COL10A1: variants seen among roughly 807,000 people sequenced by gnomAD.
COL10A1 encodes the protein collagen alpha-1(X) chain.
COL10A1 carries 10 observed loss-of-function variants against 18.2 expected under a neutral mutation model. That is an observed-to-expected ratio of 0.55 (90% CI 0.34 to 0.93). COL10A1 has a LOEUF of 0.93. COL10A1 is among the 40% of genes least tolerant of loss of function. COL10A1 has a pLI of 0.02. For missense variants in COL10A1, 897 were observed against 853.5 expected (o/e 1.05, Z -0.64); for synonymous variants, 330 against 316.6 (o/e 1.04, Z -0.45).
At chr6:116,182,157 T>C in the COL10A1 span, among the ~76,000 whole-genome samples, 2 of 151,962 alleles carry the variant, frequency 1.3e-5, no homozygotes, top group African/African-American at 4.8e-5. Flanking sequence ...ACCTCCAATT[T>C]CATCCAGGTT....
At chr6:116,145,794 A>C (rs959387515) in intron 1 of COL10A1, among the ~76,000 whole-genome samples, 2 of 152,248 alleles carry the variant, frequency 1.3e-5, no homozygotes, top group Non-Finnish European at 2.9e-5. Flanking sequence ...TTAATTTACT[A>C]TTTTATTTTT....
intron 1 of COL10A1, among the ~76,000 whole-genome samples, chr6:116,135,857 A>ATATATG (rs1329301783): frequency 8.5e-6 from 1 of 117,602 alleles, no homozygotes; most frequent in Non-Finnish European, 1.7e-5. Flanking sequence ...ATATATATAT[A>ATATATG]TATATATATA....
At chr6:116,161,585 A>G (rs1206764846), upstream of COL10A1, among the ~76,000 whole-genome samples, 3 of 151,978 alleles carry the variant, frequency 2.0e-5, no homozygotes, top group Non-Finnish European at 4.4e-5. Flanking sequence ...CCATTGATCT[A>G]TGTGTCTATT....
chr6:116,202,715 G>A, the COL10A1 span, among the ~76,000 whole-genome samples: 3 of 151,942 alleles, frequency 2.0e-5, no homozygotes, highest in East Asian at 3.9e-4. Context: ...GAACTGCAGT[G>A]TACAGTTTCA....
At chr6:116,139,943 G>C (rs1275088903) in intron 1 of COL10A1, among the ~76,000 whole-genome samples, 2 of 152,092 alleles carry the variant, frequency 1.3e-5, no homozygotes, top group Non-Finnish European at 2.9e-5. Context: ...GATTGGACTT[G>C]TGTTTATTGA....
rs1314412393 is a variant in COL10A1 at position 116,119,024 on chromosome 6, A to C, written c.*1049T>G. ...TGCTTTCAAATTAATTCAGCCTAAA[A>C]ATCTATTGATGTTATTTTATTGCGT... On this transcript the variant is annotated 3_prime_UTR_variant, in exon 3 of 3. Coordinates refer to ENST00000651968, the MANE Select transcript of COL10A1 (RefSeq NM_000493.4). The C allele has an allele frequency of 6.6e-6, 1 of 152,656 alleles. No individual in the cohort carries two copies. The highest frequency in any genetic ancestry group is 2.4e-5 in the African/African-American group (1 of 41,460). The allele number at this position is 152,656 out of a possible 1,614,324, so 9.5% of individuals were successfully genotyped here. A position where few individuals can be genotyped will look rare whatever the true frequency, so the allele number is the denominator to read the frequency against.
At chr6:116,202,446 A>C in the COL10A1 span, among the ~76,000 whole-genome samples, 1 of 151,984 alleles carries the variant, frequency 6.6e-6, no homozygotes, top group Non-Finnish European at 1.5e-5. Flanking sequence ...ACGAGGAAAC[A>C]ATGATCCCAT....
the COL10A1 span, among the ~76,000 whole-genome samples, chr6:116,214,756 G>C: frequency 6.6e-6 from 1 of 151,972 alleles, no homozygotes. Flanking sequence ...TGTGGAAATG[G>C]GTGTTCATTG....
the COL10A1 span, among the ~76,000 whole-genome samples, chr6:116,203,544 A>C: frequency 3.3e-5 from 5 of 151,976 alleles, no homozygotes; most frequent in Non-Finnish European, 7.4e-5. Context: ...TGAATGTCAC[A>C]GTAATTCATT....
chr6:116,163,641 T>G (rs1780397642), upstream of COL10A1, among the ~76,000 whole-genome samples: 1 of 152,178 alleles, frequency 6.6e-6, no homozygotes, highest in Non-Finnish European at 1.5e-5. Flanking sequence ...TGATCTTTAT[T>G]TCTTTACTTC....
rs1779069206 is a variant in COL10A1 at position 116,120,198 on chromosome 6, C to T, written c.1918G>A (p.Ala640Thr). 6.2e-7 allele frequency: 1 copy of T among 1,614,144 alleles called. No homozygotes were observed. Among genetic ancestry groups the T allele is most frequent in the Non-Finnish European group, 8.5e-7 (1 of 1,180,028 alleles). ...TCATTTTCTGTGAGATCGATGATGG[C>T]ACTCCCTGAAGCCTGATCCAGGTAG... ...KGYLDQASGS[A>T]IIDLTENDQV... is the part of the protein sequence containing the mutation. The change falls in exon 3 of 3, where the codon GCC becomes ACC. Residue 640 changes from alanine to threonine, a missense_variant. Transcript: ENST00000651968.
chr6:116,201,664 C>G, the COL10A1 span, among the ~76,000 whole-genome samples: 1 of 151,946 alleles, frequency 6.6e-6, no homozygotes, highest in Admixed American at 6.6e-5. Flanking sequence ...CCTTCCCACC[C>G]ATGAAGTCGG....
chr6:116,144,370 G>A (rs1358224197), intron 1 of COL10A1, among the ~76,000 whole-genome samples: 3 of 152,010 alleles, frequency 2.0e-5, no homozygotes, highest in Non-Finnish European at 2.9e-5. Context: ...GCGTGATGGT[G>A]CACGCCTGTA....
At chr6:116,140,941 G>T (rs1779749115) in intron 1 of COL10A1, among the ~76,000 whole-genome samples, 1 of 152,036 alleles carries the variant, frequency 6.6e-6, no homozygotes, top group Admixed American at 6.6e-5. Context: ...ATGTTTCCTG[G>T]CTGCATGCAA....
upstream of COL10A1, among the ~76,000 whole-genome samples, chr6:116,160,389 T>A (rs111270010): frequency 4.6e-4 from 70 of 152,308 alleles, no homozygotes; most frequent in African/African-American, 1.7e-3. Context: ...ATTTTCCATA[T>A]GTTTGTTGGT....
the COL10A1 span, among the ~76,000 whole-genome samples, chr6:116,164,919 T>TA: frequency 6.6e-6 from 1 of 151,716 alleles, no homozygotes; most frequent in Non-Finnish European, 1.5e-5. Flanking sequence ...CCGTCTCTAC[T>TA]AAAAAAATAA....
At position 116,143,406 on chromosome 6, in the gene COL10A1, G is replaced by A. The variant is rs184453854; in HGVS notation, c.-16+15208C>T. Among the ~76,000 whole-genome samples the A allele has an allele frequency of 2.6e-3, 395 of 152,186 alleles. 10 individuals are homozygous for A. In the South Asian group the frequency reaches 0.043, roughly 17 times the overall value. On this transcript the variant is annotated intron_variant, in intron 1 of 1. Transcript: ENST00000418500. ...TTTTTGTATCTTTAGTAGAGACGGT[G>A]TTTCACCATGTTGGCCAGGATGGTC...
intron 1 of COL10A1, among the ~76,000 whole-genome samples, chr6:116,148,161 G>A (rs1480890339): frequency 3.9e-5 from 6 of 152,098 alleles, no homozygotes; most frequent in Non-Finnish European, 8.8e-5. Flanking sequence ...CCTTGTATAA[G>A]GATAGACAAA....
At chr6:116,169,175 T>G in the COL10A1 span, among the ~76,000 whole-genome samples, 1 of 149,638 alleles carries the variant, frequency 6.7e-6, no homozygotes, top group Non-Finnish European at 1.5e-5. Flanking sequence ...GGGTTTCTCT[T>G]TTCCTCAGCT....
Sources: gnomAD v4.1 joint callset for allele counts (sites outside exome capture counted in the v4.1 genomes callset) on GRCh38, gnomAD v4.1.1 for gene constraint, MANE v1.5 for transcripts, NCBI Gene and HGNC (gene_info 2026-07-23, HGNC 2026-07-21) for gene names.